FAT2: variants seen among roughly 807,000 people sequenced by gnomAD.
The protein encoded by FAT2 is protocadherin Fat 2.
FAT2 carries 150 observed loss-of-function variants against 295.3 expected under a neutral mutation model. That is an observed-to-expected ratio of 0.51 (90% CI 0.44 to 0.58). FAT2 has a LOEUF of 0.58. FAT2 is among the 20% of genes least tolerant of loss of function. The probability of loss-of-function intolerance (pLI) is 0.00; values close to 1 mark genes in which losing one functional copy is unlikely to be tolerated. For missense variants in FAT2, 4,868 were observed against 5,442.7 expected (o/e 0.89, Z 3.32); for synonymous variants, 2,026 against 2,150.3 (o/e 0.94, Z 1.60).
chr5:151,582,688 A>G (rs10059380), intron 1 of FAT2, among the ~76,000 whole-genome samples: 3,238 of 152,278 alleles, frequency 0.021, 67 homozygotes, highest in East Asian at 0.052. Context: ...GATGGAGGAC[A>G]TCAGGAAAAG....
chr5:151,563,706 A>G (rs1758128888), intron 2 of FAT2, 67 bp from the exon 3 acceptor site: 2 of 1,380,608 alleles, frequency 1.4e-6, no homozygotes, highest in Middle Eastern at 1.8e-4. Flanking sequence ...AATCACCCTT[A>G]CCCACCATTC....
chr5:151,517,577 C>T (rs372209452), intron 20 of FAT2, 43 bp downstream of exon 20: 778 of 1,611,822 alleles, frequency 4.8e-4, no homozygotes, highest in Non-Finnish European at 6.4e-4. Context: ...CCTCCCCAGC[C>T]TGGGACACCC....
chr5:151,526,004 G>C (rs1354146003), intron 17 of FAT2, 39 bp from the exon 18 acceptor site: 15 of 1,597,456 alleles, frequency 9.4e-6, no homozygotes, highest in Non-Finnish European at 1.3e-5. Context: ...AGAGCAGAAT[G>C]AGTCCCGGTC....
intron 1 of FAT2, among the ~76,000 whole-genome samples, chr5:151,585,704 G>A (rs1042198625): frequency 5.3e-5 from 8 of 152,222 alleles, no homozygotes; most frequent in Admixed American, 1.3e-4. Context: ...AGTAGAGAGT[G>A]TACCAGGGAT....
intron 20 of FAT2, among the ~76,000 whole-genome samples, chr5:151,515,307 A>ATGT (rs1441397806): frequency 5.3e-5 from 8 of 152,136 alleles, no homozygotes; most frequent in African/African-American, 1.9e-4. Context: ...AGACCTGCTA[A>ATGT]TGTTGGAGGG....
chr5:151,538,067 G>T (rs564732371), intron 11 of FAT2, 121 bp from the exon 12 acceptor site: 1 of 732,168 alleles, frequency 1.4e-6, no homozygotes, highest in Non-Finnish European at 2.2e-6. Flanking sequence ...GGGCAGAGAC[G>T]AAGAGAGACA....
At position 151,587,833 on chromosome 5, in the gene FAT2, C is replaced by T. The variant is rs11958179; in HGVS notation, c.-21+3332G>A. ...GTCTCCACACTGAAAACAATGACAA[C>T]AACAAGAAGCAGTAGAGGGTGATGT... On this transcript the variant is annotated intron_variant, in intron 1 of 23. Transcript: ENST00000261800. 9.9e-3 allele frequency among the ~76,000 whole-genome samples: 1,515 copies of T among 152,276 alleles called. 25 individuals carry two copies. Among genetic ancestry groups the T allele is most frequent in the African/African-American group, 0.034 (1,412 of 41,538 alleles).
Position 151,527,272 on chromosome 5 carries a change from G to A in FAT2, c.10270C>T (p.Pro3424Ser). 1 of 1,613,316 alleles carries A rather than the reference G, an allele frequency of 6.2e-7. No individual in the cohort carries two copies. The highest frequency in any genetic ancestry group is 8.5e-7 in the Non-Finnish European group (1 of 1,179,566). Residue 3424 changes from proline to serine, a missense_variant, in exon 17 of 24, where the codon CCG (proline) becomes TCG (serine). Physicochemically the swap from Pro to Ser is moderately conservative, Grantham distance 74 (BLOSUM62 -1). Transcript: ENST00000261800. ...CTGTAGTTGAGCTGGAAGAATCTCG[G>A]TGGGTTATCATTGACATCAGCCACT... is the stretch of plus-strand genomic sequence containing the variant. ...IQVADVNDNPPRFFQLNYSTT... is the reference protein window; with the variant it reads ...IQVADVNDNPSRFFQLNYSTT...
chr5:151,506,090 A>C lies in FAT2; in HGVS notation c.12525T>G (p.Pro4175=), dbSNP rs1441038832. ...RTWSSEEMVY[P]GGAMVWPPTY... ...TAGGGGGCCAGACCATGGCTCCGCC[A>C]GGGTACACTGAAAGGGAACAGCAAG... The change falls in exon 24 of 24, where the codon CCT becomes CCG. Residue 4175 remains proline, a synonymous_variant. Coordinates refer to ENST00000261800, the MANE Select transcript of FAT2 (RefSeq NM_001447.3). The C allele has an allele frequency of 2.0e-6, 3 of 1,516,012 alleles. No individual in the cohort carries two copies. Among genetic ancestry groups the C allele is most frequent in the African/African-American group, 2.8e-5 (2 of 71,542 alleles). The allele number at this position is 1,516,012 out of a possible 1,614,324, so 93.9% of individuals were successfully genotyped here. A position where few individuals can be genotyped will look rare whatever the true frequency, so the allele number is the denominator to read the frequency against.
Position 151,512,751 on chromosome 5 carries a change from C to G in FAT2, c.11464-145G>C, listed in dbSNP as rs1761419885. 1.4e-6 allele frequency: 1 copy of G among 715,196 alleles called. No homozygotes were observed. Among genetic ancestry groups the G allele is most frequent in the Non-Finnish European group, 2.3e-6 (1 of 433,010 alleles). 44.3% of individuals were successfully genotyped at this position (715,196 alleles called of 1,614,324 possible). On this transcript the variant is annotated intron_variant, in intron 20 of 23. Coordinates refer to ENST00000261800, the MANE Select transcript of FAT2 (RefSeq NM_001447.3). This position sits in a 1 kb window ranked among gnomAD's most constrained non-coding sequence, Gnocchi z 4.1. The stretch of plus-strand genomic sequence containing the variant: ...TGTTTTAGACATGGCATTTGCAGAG[C>G]ATAAAAACCCTCAAAGTGCTTTTGT...
chr5:151,565,217 T>C (rs370793536), intron 2 of FAT2, among the ~76,000 whole-genome samples: 5 of 152,228 alleles, frequency 3.3e-5, no homozygotes, highest in Admixed American at 6.5e-5. Context: ...TGATATTATA[T>C]GACATGAAAA....
At position 151,567,875 on chromosome 5, in the gene FAT2, G is replaced by T; in HGVS notation, c.1057C>A (p.Pro353Thr). 2.5e-6 allele frequency: 4 copies of T among 1,614,168 alleles called. No individual in the cohort carries two copies. The highest frequency in any genetic ancestry group is 3.4e-6 in the Non-Finnish European group (4 of 1,180,022). Reference protein sequence around the residue: ...FYSQIRGFHLPPSKLSSLKFE... With the variant: ...FYSQIRGFHLTPSKLSSLKFE... ...TTGAGGGAAGACAGTTTGGAAGGTGGTAGGTGAAAGCCCCTGATCTGGGAA... is the reference window on the plus strand; with the variant it reads ...TTGAGGGAAGACAGTTTGGAAGGTGTTAGGTGAAAGCCCCTGATCTGGGAA... Residue 353 changes from proline to threonine, a missense_variant, in exon 2 of 24, where the codon CCA becomes ACA. Pro to Thr is a conservative substitution (Grantham distance 38). Around this residue, in one of 5 missense-constraint regions of FAT2, gnomAD observed 3,297 missense variants for 3,669.4 expected, o/e 0.90. Coordinates refer to ENST00000261800, the MANE Select transcript of FAT2 (RefSeq NM_001447.3).
In FAT2 at chr5:151,507,544, C is replaced by A. The variant is rs775632768; in HGVS notation, c.12127G>T (p.Asp4043Tyr). 18 of 1,614,028 alleles carry A rather than the reference C, an allele frequency of 1.1e-5. No homozygotes were observed. The East Asian group carries it at 3.1e-4, about 28-fold the overall frequency. Residue 4043 changes from aspartate (D) to tyrosine (Y), a missense_variant, in exon 23 of 24, where the codon GAC becomes TAC. Physicochemically the swap from Asp to Tyr is radical, Grantham distance 160. Around this residue, in one of 5 missense-constraint regions of FAT2, gnomAD observed 492 missense variants for 482.6 expected, o/e 1.02. Transcript: ENST00000261800. Reference protein sequence around the residue: ...CLVTPEIQRGDWGQQELLIIT... With the variant: ...CLVTPEIQRGYWGQQELLIIT... ...ATCAGTAACTCCTGCTGCCCCCAGT[C>A]CCCCCTTTGGATCTCGGGAGTGACT...
At chr5:151,532,659 T>C (rs1423980060) in intron 13 of FAT2, among the ~76,000 whole-genome samples, 1 of 152,188 alleles carries the variant, frequency 6.6e-6, no homozygotes, top group Non-Finnish European at 1.5e-5. Flanking sequence ...TGGAAGTTCT[T>C]AGTAAATCAA....
At chr5:151,571,250 C>T (rs114400294) in intron 1 of FAT2, among the ~76,000 whole-genome samples, 52 of 152,174 alleles carry the variant, frequency 3.4e-4, no homozygotes, top group Admixed American at 2.6e-3. Context: ...CAGAAGGGGA[C>T]GCCTGAGTCA....
rs370039633 is a variant in FAT2 at position 151,521,684 on chromosome 5, G to C, written c.10909C>G (p.Gln3637Glu). ...LQQAMWMGFY[Q>E]LTPEELVSDH... is the part of the protein sequence containing the mutation. ...CTCACCAGCTCCTCGGGGGTGAGCTGGTAGAAGCCCATCCACATGGCCTGC... is the reference window on the plus strand; with the variant it reads ...CTCACCAGCTCCTCGGGGGTGAGCTCGTAGAAGCCCATCCACATGGCCTGC... Residue 3637 changes from glutamine (Q) to glutamate (E), a missense_variant, in exon 19 of 24, where the codon CAG becomes GAG. Gln to Glu is a conservative substitution (Grantham distance 29, BLOSUM62 2). This residue lies in a region of FAT2 where 1,046 missense variants were observed against 1,210.1 expected (regional missense o/e 0.86). Transcript: ENST00000261800. The C allele has an allele frequency of 1.2e-5, 19 of 1,613,852 alleles. No homozygotes were observed. The highest frequency in any genetic ancestry group is 1.6e-5 in the Non-Finnish European group (19 of 1,180,032).
Position 151,545,372 on chromosome 5 carries a change from G to A in FAT2, c.5755C>T (p.His1919Tyr). The A allele has an allele frequency of 1.2e-6, 2 of 1,614,130 alleles. No individual in the cohort carries two copies. The highest frequency in any genetic ancestry group is 1.7e-6 in the Non-Finnish European group (2 of 1,180,020). ...ACAGATATGCTACCAGTGACAGGAT[G>A]GATGGTAACAGCTTCATCAGCATTG... ...TGNADEAVTI[H>Y]PVTGSISVLN... The change falls in exon 10 of 24, where the codon CAT becomes TAT. Residue 1919 changes from histidine (H) to tyrosine (Y), a missense_variant. Around this residue, in one of 5 missense-constraint regions of FAT2, gnomAD observed 3,297 missense variants for 3,669.4 expected, o/e 0.90. Transcript: ENST00000261800.
chr5:151,537,742 GGTAT>G, intron 12 of FAT2, 47 bp downstream of exon 12: 1 of 1,553,014 alleles, frequency 6.4e-7, no homozygotes, highest in Non-Finnish European at 8.7e-7. Context: ...CTGGGCACTT[GGTAT>G]TCAGTAAAGA....
chr5:151,550,626 G>A lies in FAT2; in HGVS notation c.4542C>T (p.Leu1514=), dbSNP rs140356742. Residue 1514 remains leucine, a synonymous_variant, in exon 8 of 24, where the codon CTC becomes CTT. Transcript: ENST00000261800. ...GTGTGTGCTGGGAGGGCCCCGAGCCGAGGTCCAATTTTCCCACCGTTACCA... is the reference window on the plus strand; with the variant it reads ...GTGTGTGCTGGGAGGGCCCCGAGCCAAGGTCCAATTTTCCCACCGTTACCA... ...GVLVTVGKLD[L]GSGPSQHTLT... The A allele has an allele frequency of 1.2e-5, 20 of 1,614,130 alleles. No homozygotes were observed. The African/African-American group carries it at 1.3e-4, about 11-fold the overall frequency.
Sources: allele counts gnomAD v4.1 joint callset (sites outside exome capture counted in the v4.1 genomes callset), GRCh38; gene constraint gnomAD v4.1.1; regional missense constraint gnomAD v4.1.1; non-coding constraint Gnocchi (gnomAD v3.1); transcripts MANE v1.5; gene names NCBI Gene and HGNC (gene_info 2026-07-23, HGNC 2026-07-21).